Variants in ANGPTL2 observed in about 807,000 individuals in gnomAD.
ANGPTL2 encodes the protein angiopoietin-related protein 2.
In ANGPTL2, 25 loss-of-function variants were observed where a neutral mutation model predicts 52.8. The observed-to-expected ratio is 0.47, with a 90% CI of 0.35 to 0.66. The LOEUF (loss-of-function observed/expected upper bound fraction) is 0.66. ANGPTL2 is among the 30% of genes least tolerant of loss of function. The pLI is 0.01. For missense variants in ANGPTL2, 546 were observed against 656.9 expected (o/e 0.83, Z 1.84); for synonymous variants, 276 against 277.4 (o/e 1.00, Z 0.05).
chr9:127,099,069 G>A (rs539955172), intron 2 of ANGPTL2, among the ~76,000 whole-genome samples: 2 of 152,192 alleles, frequency 1.3e-5, no homozygotes, highest in African/African-American at 4.8e-5. Flanking sequence ...CCTGAGGTGT[G>A]GGGGGAGGAG....
intron 2 of ANGPTL2, 118 bp downstream of exon 2, chr9:127,107,797 G>T: frequency 9.5e-7 from 1 of 1,050,638 alleles, no homozygotes; most frequent in Non-Finnish European, 1.4e-6. Flanking sequence ...GGGGGATTGT[G>T]CATGTCTTTG....
At chr9:127,090,590 C>A (rs1199531244) in intron 4 of ANGPTL2, among the ~76,000 whole-genome samples, 1 of 152,212 alleles carries the variant, frequency 6.6e-6, no homozygotes, top group Non-Finnish European at 1.5e-5. Flanking sequence ...GGATCCCCTC[C>A]ACCTTAGTAT....
At chr9:127,116,538 T>C (rs2055442916) in intron 1 of ANGPTL2, among the ~76,000 whole-genome samples, 1 of 152,242 alleles carries the variant, frequency 6.6e-6, no homozygotes, top group Admixed American at 6.5e-5. Flanking sequence ...AGTTGGCTGC[T>C]GCATTTCCGG....
rs950653616 is a variant in ANGPTL2, at chr9:127,105,288, C to T, written c.817+2627G>A. On this transcript the variant is annotated intron_variant, in intron 2 of 4. Coordinates refer to ENST00000373425, the MANE Select transcript of ANGPTL2 (RefSeq NM_012098.3). ...AAATCACTGCCATTCCCTCCCATGA[C>T]GGCGTGCTTTCTTAAGTGGGAGACA... is the stretch of plus-strand genomic sequence containing the variant. Among the ~76,000 whole-genome samples, 36 of 152,198 alleles carry T rather than the reference C, an allele frequency of 2.4e-4. 1 individual carries two copies. The highest frequency in any genetic ancestry group is 2.4e-3 in the Admixed American group (36 of 15,286).
At chr9:127,097,841 A>G (rs374806516) in intron 2 of ANGPTL2, among the ~76,000 whole-genome samples, 1 of 152,212 alleles carries the variant, frequency 6.6e-6, no homozygotes, top group East Asian at 1.9e-4. Flanking sequence ...CCTTGGCTCC[A>G]ATCTCGATGG....
chr9:127,089,848 CA>C (rs2052247304), intron 4 of ANGPTL2, among the ~76,000 whole-genome samples: 3 of 152,176 alleles, frequency 2.0e-5, no homozygotes, highest in Non-Finnish European at 4.4e-5. Flanking sequence ...GGCAGGAGGA[CA>C]GGGGGCCACT....
In ANGPTL2 at chr9:127,088,959, T is replaced by G; in HGVS notation, c.1462A>C (p.Asn488His). Reference protein sequence around the residue: ...LKKVVMMIRPNPNTFH With the variant: ...LKKVVMMIRPHPNTFH The stretch of plus-strand genomic sequence containing the variant: ...CTGGCTTAGTGGAAGGTGTTGGGGT[T>G]CGGTCGGATCATCATCACCACTTTC... The change falls in exon 5 of 5, where the codon AAC becomes CAC. Residue 488 changes from asparagine (N) to histidine (H), a missense_variant. Transcript: ENST00000373425. The G allele has an allele frequency of 6.2e-7, 1 of 1,614,174 alleles. No individual in the cohort carries two copies. Among genetic ancestry groups the G allele is most frequent in the Non-Finnish European group, 8.5e-7 (1 of 1,180,038 alleles).
chr9:127,093,532 G>A (rs998078736), intron 3 of ANGPTL2, among the ~76,000 whole-genome samples: 1 of 152,178 alleles, frequency 6.6e-6, no homozygotes, highest in Non-Finnish European at 1.5e-5. Context: ...GGAGGCGCTG[G>A]TCCTCACTAC....
intron 1 of ANGPTL2, among the ~76,000 whole-genome samples, chr9:127,115,314 T>C (rs1409964643): frequency 1.3e-5 from 2 of 152,170 alleles, no homozygotes; most frequent in Non-Finnish European, 2.9e-5. Flanking sequence ...CTCAACCTCC[T>C]GAGCAGCTAG....
chr9:127,095,469 C>T (rs1443394800), intron 2 of ANGPTL2, among the ~76,000 whole-genome samples: 21 of 152,316 alleles, frequency 1.4e-4, no homozygotes, highest in Non-Finnish European at 2.9e-5. Context: ...AAGAAAGTAC[C>T]ATTGTATGTT....
In ANGPTL2 at chr9:127,107,996, G is replaced by A. The variant is rs1023306069; in HGVS notation, c.736C>T (p.Gln246Ter). Residue 246 changes from glutamine to a stop codon, truncating the protein, a stop_gained, in exon 2 of 5, where the codon CAG becomes TAG. Transcript: ENST00000373425. LOFTEE classifies it high-confidence loss of function. ...GGGGGTGGCAGCACCTTCAGGTTCT[G>A]GTCACTCTGGATCTCGTTGGTAGAG... The part of the protein sequence containing the change: ...QISTNEIQSD[Q>*]NLKVLPPPLP... 1 of 1,592,746 alleles carries A rather than the reference G, an allele frequency of 6.3e-7. No homozygotes were observed. Among genetic ancestry groups the A allele is most frequent in the Non-Finnish European group, 8.6e-7 (1 of 1,165,610 alleles).
rs996823055 is a variant in ANGPTL2 at position 127,113,866 on chromosome 9, C to T, written c.-49-5086G>A. Reference sequence around the variant, plus strand: ...GTGGTGGGGCCACACATCATGTGTCCGCATCCCTCTCACCACTGTGGTGCC... The same window carrying T: ...GTGGTGGGGCCACACATCATGTGTCTGCATCCCTCTCACCACTGTGGTGCC... On this transcript the variant is annotated intron_variant, in intron 1 of 4. Coordinates refer to ENST00000373425, the MANE Select transcript of ANGPTL2 (RefSeq NM_012098.3). Among the ~76,000 whole-genome samples, 3 of 152,306 alleles carry T rather than the reference C, an allele frequency of 2.0e-5. No homozygotes were observed. In the East Asian group the frequency reaches 5.8e-4, roughly 29 times the overall value.
chr9:127,119,352 A>G (rs979845615), intron 1 of ANGPTL2, among the ~76,000 whole-genome samples: 8 of 152,210 alleles, frequency 5.3e-5, no homozygotes, highest in Admixed American at 4.6e-4. Context: ...TAGGACAGCA[A>G]CCAAAGCAGA....
intron 3 of ANGPTL2, 51 bp downstream of exon 3, chr9:127,093,682 G>C (rs1224224381): frequency 6.2e-7 from 1 of 1,600,558 alleles, no homozygotes; most frequent in Non-Finnish European, 8.5e-7. Flanking sequence ...CCTCTCTTGG[G>C]GTGGGCCAGT....
chr9:127,098,652 A>G (rs950119539), intron 2 of ANGPTL2, among the ~76,000 whole-genome samples: 25 of 152,258 alleles, frequency 1.6e-4, no homozygotes, highest in African/African-American at 5.8e-4. Context: ...GGAGGTGATC[A>G]GCTTTGGGTG....
In ANGPTL2 at chr9:127,087,491, C is replaced by T. The variant is rs192894514; in HGVS notation, c.*1448G>A. The T allele has an allele frequency of 7.8e-4, 119 of 152,704 alleles. No individual in the cohort carries two copies. The highest frequency in any genetic ancestry group is 2.8e-3 in the African/African-American group (115 of 41,532). 9.5% of individuals were successfully genotyped at this position (152,704 alleles called of 1,614,324 possible). ...AAATGCTGAGGTAATAGGCACACAC[C>T]CAGACATGGACAGTACCAAACATCC... On this transcript the variant is annotated 3_prime_UTR_variant, in exon 5 of 5. Coordinates refer to ENST00000373425, the MANE Select transcript of ANGPTL2 (RefSeq NM_012098.3).
chr9:127,098,288 T>G (rs957595979), intron 2 of ANGPTL2, among the ~76,000 whole-genome samples: 1 of 152,216 alleles, frequency 6.6e-6, no homozygotes, highest in Non-Finnish European at 1.5e-5. Flanking sequence ...CAGTGCAGAG[T>G]ACCTAGCGGT....
chr9:127,095,120 C>T (rs182375449), intron 2 of ANGPTL2, among the ~76,000 whole-genome samples: 362 of 152,264 alleles, frequency 2.4e-3, no homozygotes, highest in Admixed American at 4.6e-3. Flanking sequence ...CTCATAGGGC[C>T]GGGCACGGTG....
intron 3 of ANGPTL2, among the ~76,000 whole-genome samples, chr9:127,092,987 A>C (rs77062378): frequency 5.4e-4 from 82 of 152,216 alleles, no homozygotes; most frequent in Admixed American, 2.0e-3. Context: ...TGCAACCCTG[A>C]GCAAATTACT....
Sources: allele counts gnomAD v4.1 joint callset (sites outside exome capture counted in the v4.1 genomes callset), GRCh38; gene constraint gnomAD v4.1.1; transcripts MANE v1.5; gene names NCBI Gene and HGNC (gene_info 2026-07-23, HGNC 2026-07-21).